Variants in COPA observed in about 807,000 individuals in gnomAD.
COPA encodes coatomer subunit alpha.
A neutral mutation model predicts 158.7 loss-of-function variants in COPA; 10 were observed. That is an observed-to-expected ratio of 0.06 (90% CI 0.04 to 0.11). The LOEUF (loss-of-function observed/expected upper bound fraction) is 0.11. COPA is among the 10% of genes least tolerant of loss of function. The pLI is 1.00. For missense variants in COPA, 1,065 were observed against 1,536.7 expected (o/e 0.69, Z 5.13); for synonymous variants, 462 against 542.8 (o/e 0.85, Z 2.07).
In COPA at chr1:160,340,305, T is replaced by G. The variant is rs530698139; in HGVS notation, c.41-11A>C. The G allele has an allele frequency of 1.3e-6, 2 of 1,559,460 alleles. No individual in the cohort carries two copies. Among genetic ancestry groups the G allele is most frequent in the African/African-American group, 1.4e-5 (1 of 73,720 alleles). ...GGTGAAAGCTGAGCCCTGAAAAAAA[T>G]AGAAAATGATACAATGAGCTAACTA... On this transcript the variant is annotated splice_polypyrimidine_tract_variant and intron_variant, in intron 1 of 32. Transcript: ENST00000241704.
intron 3 of COPA, among the ~76,000 whole-genome samples, chr1:160,338,688 C>G (rs1260895199): frequency 3.3e-5 from 5 of 152,144 alleles, no homozygotes; most frequent in African/African-American, 9.7e-5. Flanking sequence ...ATTTCTCAAT[C>G]TTGATCTTAT....
At position 160,310,070 on chromosome 1, in the gene COPA, G is replaced by T. The variant is rs1301825108; in HGVS notation, c.1143+122C>A. On this transcript the variant is annotated intron_variant, in intron 12 of 32. Coordinates refer to ENST00000241704, the MANE Select transcript of COPA (RefSeq NM_004371.4). Reference sequence around the variant, plus strand: ...ATTTGAGTCTCTGAGTGATCACTGTGTCAGCTCTCACAAAATGACCATTAA... The same window carrying T: ...ATTTGAGTCTCTGAGTGATCACTGTTTCAGCTCTCACAAAATGACCATTAA... 1.5e-5 allele frequency: 8 copies of T among 550,048 alleles called. No homozygotes were observed. In the South Asian group the frequency reaches 2.1e-4, roughly 14 times the overall value. 34.1% of individuals were successfully genotyped at this position (550,048 alleles called of 1,614,324 possible).
At chr1:160,339,518 A>G (rs780562559) in intron 3 of COPA, 13 of 158,426 alleles carry the variant, frequency 8.2e-5, no homozygotes, top group Non-Finnish European at 8.3e-5. Flanking sequence ...TACAAAACCA[A>G]TAACAGCTGC....
chr1:160,336,295 T>C (rs970438502), intron 3 of COPA, among the ~76,000 whole-genome samples: 1 of 149,346 alleles, frequency 6.7e-6, no homozygotes, highest in African/African-American at 2.5e-5. Context: ...ATCGCTCCAC[T>C]GCACTCCAGC....
At chr1:160,301,496 G>A (rs1280839855) in intron 17 of COPA, among the ~76,000 whole-genome samples, 1 of 152,192 alleles carries the variant, frequency 6.6e-6, no homozygotes, top group Non-Finnish European at 1.5e-5. Flanking sequence ...ATTTAGGCCG[G>A]GCATGGTGGC....
At chr1:160,295,946 G>T (rs1658387850) in intron 22 of COPA, 87 bp from the exon 23 acceptor site, 1 of 1,579,596 alleles carries the variant, frequency 6.3e-7, no homozygotes, top group Non-Finnish European at 8.6e-7. Flanking sequence ...GATCTCATTT[G>T]TTTCTCTGCC....
rs533722186 is a variant in COPA at position 160,340,630 on chromosome 1, C to A, written c.41-336G>T. ...TCTGGAACCACTATTAAAGCAATAG[C>A]CATCTGAGGTCTCTATTTGAAGCCC... On this transcript the variant is annotated intron_variant, in intron 1 of 32. Transcript: ENST00000241704. Among the ~76,000 whole-genome samples the A allele has an allele frequency of 2.5e-4, 38 of 152,278 alleles. 1 individual carries two copies. In the South Asian group the frequency reaches 5.4e-3, roughly 22 times the overall value.
intron 6 of COPA, among the ~76,000 whole-genome samples, 157 bp from the exon 7 acceptor site, chr1:160,325,809 A>G (rs1659473610): frequency 6.6e-6 from 1 of 152,254 alleles, no homozygotes; most frequent in African/African-American, 2.4e-5. Flanking sequence ...ATTTCTAAAA[A>G]TGTTCAAAAT....
chr1:160,336,332 CAAAAA>C (rs754757246), intron 3 of COPA, among the ~76,000 whole-genome samples: 2 of 109,600 alleles, frequency 1.8e-5, no homozygotes, highest in Non-Finnish European at 4.0e-5. Context: ...GGCTCGGTCT[CAAAAA>C]AAAAAAAAAA....
chr1:160,313,502 C>A (rs1659039597), intron 9 of COPA, among the ~76,000 whole-genome samples: 1 of 152,150 alleles, frequency 6.6e-6, no homozygotes, highest in South Asian at 2.1e-4. Flanking sequence ...GCAAGCTCCA[C>A]CTCCCAGGTT....
At chr1:160,308,404 G>A (rs911259403) in intron 13 of COPA, among the ~76,000 whole-genome samples, 8 of 152,206 alleles carry the variant, frequency 5.3e-5, no homozygotes, top group Non-Finnish European at 1.2e-4. Context: ...TTATTTCTTA[G>A]GAATCTGTTG....
At position 160,334,923 on chromosome 1, in the gene COPA, A is replaced by G. The variant is rs1177799253; in HGVS notation, c.309+319T>C. The stretch of plus-strand genomic sequence containing the variant: ...TTCCAGACACACCTACTACTTACTA[A>G]TAATACCCTACATGGGATTAGCTGG... On this transcript the variant is annotated intron_variant, in intron 4 of 32. Coordinates refer to ENST00000241704, the MANE Select transcript of COPA (RefSeq NM_004371.4). 2.0e-5 allele frequency among the ~76,000 whole-genome samples: 3 copies of G among 152,348 alleles called. No individual in the cohort carries two copies. The East Asian group carries it at 5.8e-4, about 29-fold the overall frequency.
intron 8 of COPA, chr1:160,317,817 G>A: frequency 1.4e-6 from 1 of 737,944 alleles, no homozygotes; most frequent in Non-Finnish European, 2.4e-6. Context: ...CCATCTCTTT[G>A]AAACATCTGG....
At chr1:160,328,565 G>A (rs972858248) in intron 6 of COPA, among the ~76,000 whole-genome samples, 9 of 152,150 alleles carry the variant, frequency 5.9e-5, no homozygotes, top group African/African-American at 2.2e-4. Context: ...TCCCAATACG[G>A]ACCAGGGAAA....
intron 1 of COPA, among the ~76,000 whole-genome samples, chr1:160,342,611 A>G (rs1648133251): frequency 6.6e-6 from 1 of 152,190 alleles, no homozygotes; most frequent in African/African-American, 2.4e-5. Context: ...TTGGGGTTAT[A>G]AGCCTCAAGT....
At chr1:160,338,780 C>T (rs1433952071) in intron 3 of COPA, among the ~76,000 whole-genome samples, 1 of 152,108 alleles carries the variant, frequency 6.6e-6, no homozygotes, top group African/African-American at 2.4e-5. Flanking sequence ...CATCTCGAAC[C>T]CCTCGAATCA....
At position 160,307,172 on chromosome 1, in the gene COPA, C is replaced by A. The variant is rs200354152; in HGVS notation, c.1293G>T (p.Arg431=). The A allele has an allele frequency of 1.2e-6, 2 of 1,614,164 alleles. No homozygotes were observed. The highest frequency in any genetic ancestry group is 1.7e-6 in the Non-Finnish European group (2 of 1,180,006). Residue 431 remains arginine (R), a synonymous_variant, in exon 14 of 33, where the codon CGG becomes CGT. Coordinates refer to ENST00000241704, the MANE Select transcript of COPA (RefSeq NM_004371.4). ...TTTAGTCTTAACTCACCGAATGCAT[C>A]CGATCTAGGACAGCAAACCGATTTC... ...VARNRFAVLD[R]MHSLLIKNLK...
chr1:160,314,148 T>C (rs1352454204), intron 8 of COPA, 23 bp from the exon 9 acceptor site: 7 of 1,603,354 alleles, frequency 4.4e-6, no homozygotes, highest in Non-Finnish European at 5.1e-6. Context: ...AAGAATTAGG[T>C]CATCACAATT....
chr1:160,288,871 G>T lies in COPA; in HGVS notation c.*1286C>A, dbSNP rs937406450. On this transcript the variant is annotated 3_prime_UTR_variant, in exon 33 of 33. Transcript: ENST00000241704. Reference sequence around the variant, plus strand: ...TTGCTATAATTAGCAAAAGATAAAAGGCTGCAATCAAAAACAGAATAAGGG... The same window carrying T: ...TTGCTATAATTAGCAAAAGATAAAATGCTGCAATCAAAAACAGAATAAGGG... Among the ~76,000 whole-genome samples the T allele has an allele frequency of 6.6e-6, 1 of 152,146 alleles. No homozygotes were observed. Among genetic ancestry groups the T allele is most frequent in the African/African-American group, 2.4e-5 (1 of 41,456 alleles).
Sources: allele counts gnomAD v4.1 joint callset (sites outside exome capture counted in the v4.1 genomes callset), GRCh38; gene constraint gnomAD v4.1.1; transcripts MANE v1.5; gene names NCBI Gene and HGNC (gene_info 2026-07-23, HGNC 2026-07-21).